TRHDE: variants seen among roughly 807,000 people sequenced by gnomAD.
TRHDE encodes the protein thyrotropin releasing hormone degrading enzyme.
TRHDE carries 72 observed loss-of-function variants against 125.7 expected under a neutral mutation model. The observed-to-expected ratio is 0.57, with a 90% CI of 0.47 to 0.70. TRHDE has a LOEUF of 0.70. TRHDE is among the 30% of genes least tolerant of loss of function. The pLI is 0.00. For synonymous variants in TRHDE, 509 were observed against 509.1 expected (o/e 1.00, Z 0.00); for missense variants, 1,110 against 1,327.1 (o/e 0.84, Z 2.54).
At chr12:72,627,768 C>A (rs971401797) in intron 15 of TRHDE, among the ~76,000 whole-genome samples, 1 of 151,692 alleles carries the variant, frequency 6.6e-6, no homozygotes, top group South Asian at 2.1e-4. Context: ...CACCCTCAAA[C>A]TCCTAGGCTC....
chr12:72,391,498 AT>A (rs948216447), intron 3 of TRHDE, among the ~76,000 whole-genome samples: 25 of 152,040 alleles, frequency 1.6e-4, no homozygotes, highest in African/African-American at 6.0e-4. Flanking sequence ...TATTGGCTTT[AT>A]TTTTTTTCCT....
rs564093875 is a variant in TRHDE at position 72,153,936 on chromosome 12, G to C, written n.279+48184G>C. ...TCCGCTTGGTGCAGAGCTGAGTTCAGTTCCTGGATATCCTTGTTAACTTTC... is the reference window on the plus strand; with the variant it reads ...TCCGCTTGGTGCAGAGCTGAGTTCACTTCCTGGATATCCTTGTTAACTTTC... On this transcript the variant is annotated intron_variant and non_coding_transcript_variant, in intron 2 of 4. Coordinates refer to the TRHDE transcript ENST00000548156. Among the ~76,000 whole-genome samples the C allele has an allele frequency of 6.7e-4, 102 of 152,072 alleles. No individual in the cohort carries two copies. In the East Asian group the frequency reaches 0.016, roughly 24 times the overall value.
chr12:72,635,044 A>G (rs1457043011), intron 15 of TRHDE, among the ~76,000 whole-genome samples: 5 of 151,836 alleles, frequency 3.3e-5, no homozygotes, highest in African/African-American at 4.8e-5. Context: ...ATCAAATGGT[A>G]TTTCTAGTTC....
At chr12:72,319,205 T>G (rs1868958241) in intron 2 of TRHDE, among the ~76,000 whole-genome samples, 1 of 152,176 alleles carries the variant, frequency 6.6e-6, no homozygotes, top group Admixed American at 6.5e-5. Context: ...AAAGGTCAAG[T>G]GCTGTAGCCT....
intron 2 of TRHDE, among the ~76,000 whole-genome samples, chr12:72,177,614 T>C (rs1014096595): frequency 2.0e-5 from 3 of 152,162 alleles, no homozygotes; most frequent in Non-Finnish European, 4.4e-5. Context: ...AATTTTTTTT[T>C]CTACAAAACT....
chr12:72,600,245 T>G (rs895778404), intron 12 of TRHDE, among the ~76,000 whole-genome samples: 2 of 152,132 alleles, frequency 1.3e-5, no homozygotes, highest in Non-Finnish European at 2.9e-5. Context: ...GGCTCCTTTT[T>G]GGTTTTATAT....
chr12:72,503,664 G>A (rs1467038933), intron 6 of TRHDE, among the ~76,000 whole-genome samples: 2 of 152,202 alleles, frequency 1.3e-5, no homozygotes, highest in Admixed American at 6.5e-5. Flanking sequence ...AGTATCATCA[G>A]AAATCTACCT....
chr12:72,269,607 A>T (rs1229515718), upstream of TRHDE, among the ~76,000 whole-genome samples: 1 of 152,166 alleles, frequency 6.6e-6, no homozygotes, highest in Non-Finnish European at 1.5e-5. Flanking sequence ...ACCGTGAGTG[A>T]GGGAAAGGGG....
intron 5 of TRHDE, 103 bp downstream of exon 5, chr12:72,473,283 A>ATCAGT: frequency 1.3e-6 from 1 of 772,176 alleles, no homozygotes; most frequent in Non-Finnish European, 2.1e-6. Context: ...CAACTGATGC[A>ATCAGT]TGAAAATGTA....
In TRHDE at chr12:72,279,014, A is replaced by G. The variant is rs146858355; in HGVS notation, c.914+5457A>G. 3.0e-4 allele frequency among the ~76,000 whole-genome samples: 46 copies of G among 152,248 alleles called. No individual in the cohort carries two copies. In the East Asian group the frequency reaches 7.7e-3, roughly 26 times the overall value. ...AGTTGCCTTTGTTTTTATTTATTCAATGCAACTCCAAACTGAGCCTATCTG... is the reference window on the plus strand; with the variant it reads ...AGTTGCCTTTGTTTTTATTTATTCAGTGCAACTCCAAACTGAGCCTATCTG... On this transcript the variant is annotated intron_variant, in intron 1 of 18. Transcript: ENST00000261180.
intron 3 of TRHDE, among the ~76,000 whole-genome samples, chr12:72,443,845 A>G (rs145048689): frequency 1.3e-4 from 19 of 151,866 alleles, no homozygotes; most frequent in African/African-American, 4.6e-4. Context: ...GTGACTTACT[A>G]TTATCAGGAT....
chr12:72,155,085 G>T (rs1876471425), intron 2 of TRHDE, among the ~76,000 whole-genome samples: 1 of 152,114 alleles, frequency 6.6e-6, no homozygotes, highest in Non-Finnish European at 1.5e-5. Context: ...TGGAGGTTTT[G>T]TTCATTTCTT....
chr12:72,540,013 T>C (rs1869061633), intron 6 of TRHDE, among the ~76,000 whole-genome samples: 1 of 151,796 alleles, frequency 6.6e-6, no homozygotes, highest in African/African-American at 2.4e-5. Flanking sequence ...TTCTGAGTTT[T>C]CTTAAAAAAA....
At chr12:72,576,746 G>C (rs1871013431) in intron 12 of TRHDE, among the ~76,000 whole-genome samples, 1 of 152,098 alleles carries the variant, frequency 6.6e-6, no homozygotes, top group South Asian at 2.1e-4. Context: ...GGTGAGTGAT[G>C]CTGTATCAGT....
intron 2 of TRHDE, among the ~76,000 whole-genome samples, chr12:72,261,121 C>A (rs2139394340): frequency 6.6e-6 from 1 of 152,264 alleles, no homozygotes; most frequent in East Asian, 1.9e-4. Context: ...TTCCCCCTTT[C>A]TTTCCTTTTC....
intron 3 of TRHDE, among the ~76,000 whole-genome samples, chr12:72,391,952 C>T (rs568305697): frequency 4.6e-5 from 7 of 152,220 alleles, no homozygotes; most frequent in Admixed American, 2.6e-4. Context: ...AATTAGGAGG[C>T]TTTATTAAGG....
At chr12:72,461,437 A>G (rs1876119796) in intron 3 of TRHDE, among the ~76,000 whole-genome samples, 1 of 152,168 alleles carries the variant, frequency 6.6e-6, no homozygotes, top group Admixed American at 6.5e-5. Flanking sequence ...TATAAATATT[A>G]GTTATGGGTT....
chr12:72,639,777 T>G (rs542059416), intron 15 of TRHDE, among the ~76,000 whole-genome samples: 2 of 152,214 alleles, frequency 1.3e-5, no homozygotes, highest in African/African-American at 4.8e-5. Context: ...GGTGTCAGTC[T>G]GCCCCTGCTA....
intron 3 of TRHDE, among the ~76,000 whole-genome samples, chr12:72,454,144 G>A (rs543187476): frequency 2.0e-5 from 3 of 151,996 alleles, no homozygotes; most frequent in African/African-American, 4.8e-5. Context: ...CATTGTAAGA[G>A]TAGTATAAAT....
Sources: allele counts gnomAD v4.1 joint callset (sites outside exome capture counted in the v4.1 genomes callset), GRCh38; gene constraint gnomAD v4.1.1; transcripts MANE v1.5; gene names NCBI Gene and HGNC (gene_info 2026-07-23, HGNC 2026-07-21).